Variants in FBXO46 observed in about 807,000 individuals in gnomAD.
The protein encoded by FBXO46 is F-box protein 46.
In FBXO46, 13 loss-of-function variants were observed where a neutral mutation model predicts 30.7. The ratio of observed to expected loss-of-function variants is 0.42; its 90% CI spans 0.28 to 0.67. The LOEUF is 0.67. FBXO46 is among the 30% of genes least tolerant of loss of function. The pLI, the probability that FBXO46 is intolerant of heterozygous loss-of-function variation, is 0.21. For missense variants in FBXO46, 754 were observed against 871.5 expected, an observed-to-expected ratio of 0.87 and a Z score of 1.70; for synonymous variants, 467 against 385.8, an observed-to-expected ratio of 1.21 and a Z score of -2.47.
chr19:45,711,469 A>G lies in FBXO46; in HGVS notation c.*215T>C. 1.5e-6 allele frequency: 1 copy of G among 688,306 alleles called. No individual in the cohort carries two copies. The highest frequency in any genetic ancestry group is 1.5e-5 in the South Asian group (1 of 65,260). The allele number at this position is 688,306 out of a possible 1,614,324, so 42.6% of individuals were successfully genotyped here. On this transcript the variant is annotated 3_prime_UTR_variant, in exon 2 of 2. Transcript: ENST00000317683. The stretch of plus-strand genomic sequence containing the variant: ...AAAAAAAAAAAAACACCCTTCTCAG[A>G]GGGTCCACGGCCCTGGTTCTGAAGA...
At chr19:45,717,392 C>T (rs1260947081) in intron 1 of FBXO46, 1 of 152,254 alleles carries the variant, frequency 6.6e-6, no homozygotes, top group East Asian at 1.9e-4. Context: ...AGCTTCCCTC[C>T]GCCCTTTTGT....
At chr19:45,732,681 C>T (rs1311464233), upstream of FBXO46, among the ~76,000 whole-genome samples, 2 of 148,374 alleles carry the variant, frequency 1.3e-5, no homozygotes, top group South Asian at 2.1e-4. Context: ...ACCTCCACCT[C>T]CCAGGTTCAA....
chr19:45,717,463 T>C (rs1481730993), intron 1 of FBXO46: 1 of 152,130 alleles, frequency 6.6e-6, no homozygotes. Flanking sequence ...GCCGTGCCCA[T>C]ATAAGGCAGG....
intron 1 of FBXO46, among the ~76,000 whole-genome samples, chr19:45,730,633 A>G (rs1384915807): frequency 6.6e-6 from 1 of 151,610 alleles, no homozygotes; most frequent in Non-Finnish European, 1.5e-5. Flanking sequence ...TTTACAATCA[A>G]TTCCAAAGCT....
chr19:45,723,488 T>C (rs1251971725), intron 1 of FBXO46: 3 of 152,222 alleles, frequency 2.0e-5, no homozygotes, highest in Non-Finnish European at 4.4e-5. Flanking sequence ...GTCACACAGC[T>C]GATGAGAGGT....
rs1219559677 is a variant in FBXO46 at position 45,711,716 on chromosome 19, C to A, written c.1780G>T (p.Gly594Trp). ...CCCTCCTCCCGGCCGGCCCGGCCCC[C>A]GCCTGGCCCATTGCAGGGCAGCACC... ...NWVLPCNGPG[G>W]GRAGREEGR is the part of the protein sequence containing the mutation. The change falls in exon 2 of 2, where the codon GGG (glycine) becomes TGG (tryptophan). Residue 594 changes from glycine to tryptophan, a missense_variant. Transcript: ENST00000317683. The A allele has an allele frequency of 3.3e-6, 5 of 1,537,516 alleles. No homozygotes were observed. The highest frequency in any genetic ancestry group is 4.4e-6 in the Non-Finnish European group (5 of 1,146,114).
intron 1 of FBXO46, among the ~76,000 whole-genome samples, chr19:45,720,123 C>CT (rs1025150679): frequency 1.3e-5 from 2 of 151,162 alleles, no homozygotes; most frequent in Non-Finnish European, 3.0e-5. Context: ...CAGCTGCCTT[C>CT]TTTTTTGTTT....
upstream of FBXO46, among the ~76,000 whole-genome samples, chr19:45,732,710 C>T (rs1968340891): frequency 6.6e-6 from 1 of 150,546 alleles, no homozygotes; most frequent in African/African-American, 2.5e-5. Context: ...CCTGCCTCAG[C>T]CTCTGGAGTA....
chr19:45,717,794 G>A lies in FBXO46; in HGVS notation c.-78-4221C>T, dbSNP rs986117092. On this transcript the variant is annotated intron_variant, in intron 1 of 1. Coordinates refer to ENST00000317683, the MANE Select transcript of FBXO46 (RefSeq NM_001080469.2). The stretch of plus-strand genomic sequence containing the variant: ...TGGGAACTGTGGGGGCGGGGGGCGG[G>A]CTGAGGATTTCCGCGGGGGGAATTG... Among the ~76,000 whole-genome samples the A allele has an allele frequency of 9.5e-5, 12 of 126,020 alleles. No homozygotes were observed. In the South Asian group the frequency reaches 2.6e-3, roughly 27 times the overall value. 82.7% of individuals were successfully genotyped at this position (126,020 alleles called of 152,430 possible). A position where few individuals can be genotyped will look rare whatever the true frequency, so the allele number is the denominator to read the frequency against.
chr19:45,711,629 C>CG lies in FBXO46; in HGVS notation c.*54dup, dbSNP rs901435271. 1.4e-4 allele frequency: 189 copies of CG among 1,388,606 alleles called. 1 individual carries two copies. In the Admixed American group the frequency reaches 3.2e-3, roughly 23 times the overall value. 86.0% of individuals were successfully genotyped at this position (1,388,606 alleles called of 1,614,324 possible). A position where few individuals can be genotyped will look rare whatever the true frequency, so the allele number is the denominator to read the frequency against. ...CGGCCCAGTCCGGACCCTCGGCTCCCGGGGGGAGAGGGGAGGGGTGGGCGT... is the reference window on the plus strand; with the variant it reads ...CGGCCCAGTCCGGACCCTCGGCTCCCGGGGGGGAGAGGGGAGGGGTGGGCGT... On this transcript the variant is annotated 3_prime_UTR_variant, in exon 2 of 2. Coordinates refer to ENST00000317683, the MANE Select transcript of FBXO46 (RefSeq NM_001080469.2).
chr19:45,723,341 T>TC (rs1440236221), intron 1 of FBXO46: 2 of 152,122 alleles, frequency 1.3e-5, no homozygotes, highest in African/African-American at 4.8e-5. Flanking sequence ...GCCACTGCAC[T>TC]CCAGCCTGGG....
At chr19:45,732,588 CTTTTTTTTTT>C (rs750349502), upstream of FBXO46, among the ~76,000 whole-genome samples, 12 of 86,942 alleles carry the variant, frequency 1.4e-4, no homozygotes, top group African/African-American at 5.9e-4. Flanking sequence ...CTTTTTTTTC[CTTTTTTTTTT>C]TTTTTTTTTT....
At chr19:45,732,682 C>T (rs1053857392), upstream of FBXO46, among the ~76,000 whole-genome samples, 7 of 148,876 alleles carry the variant, frequency 4.7e-5, no homozygotes, top group African/African-American at 7.5e-5. Context: ...CCTCCACCTC[C>T]CAGGTTCAAA....
chr19:45,723,970 C>A (rs1600365535), intron 1 of FBXO46, among the ~76,000 whole-genome samples: 1 of 152,176 alleles, frequency 6.6e-6, no homozygotes, highest in East Asian at 1.9e-4. Context: ...AGAAATACAT[C>A]ATTAAACGTG....
intron 1 of FBXO46, among the ~76,000 whole-genome samples, chr19:45,722,705 T>G (rs1968189178): frequency 6.7e-6 from 1 of 150,358 alleles, no homozygotes; most frequent in African/African-American, 2.5e-5. Context: ...GAGCTTGCAG[T>G]GAGCCGAGAT....
At position 45,710,897 on chromosome 19, in the gene FBXO46, A is replaced by G. The variant is rs954051441; in HGVS notation, c.*787T>C. Reference sequence around the variant, plus strand: ...AAACAACCCAGAAATGCAAATCCGAAGTCCCTGCCCACGGGGCCCCCCCAC... The same window carrying G: ...AAACAACCCAGAAATGCAAATCCGAGGTCCCTGCCCACGGGGCCCCCCCAC... On this transcript the variant is annotated 3_prime_UTR_variant, in exon 2 of 2. Transcript: ENST00000317683. 6.1e-6 allele frequency: 1 copy of G among 164,482 alleles called. No individual in the cohort carries two copies. Among genetic ancestry groups the G allele is most frequent in the Non-Finnish European group, 1.3e-5 (1 of 76,300 alleles). 10.2% of individuals were successfully genotyped at this position (164,482 alleles called of 1,614,324 possible).
chr19:45,719,278 AAAAT>A (rs368420568), intron 1 of FBXO46, among the ~76,000 whole-genome samples: 38 of 152,252 alleles, frequency 2.5e-4, no homozygotes, highest in Admixed American at 4.6e-4. Context: ...AAATAAATAA[AAAAT>A]AAATAAACTG....
intron 1 of FBXO46, among the ~76,000 whole-genome samples, chr19:45,722,245 A>C (rs1439076592): frequency 1.3e-5 from 2 of 152,168 alleles, no homozygotes; most frequent in African/African-American, 2.4e-5. Flanking sequence ...CTTTCTGACT[A>C]ATGGTCCCTG....
At chr19:45,732,588 C>CTTTTTTTTTTTTTTTTTTTTTTTTTT (rs750349502), upstream of FBXO46, among the ~76,000 whole-genome samples, 1 of 86,944 alleles carries the variant, frequency 1.2e-5, no homozygotes, top group Non-Finnish European at 2.0e-5. Flanking sequence ...CTTTTTTTTC[C>CTTTTTTTTTTTTTTTTTTTTTTTTTT]TTTTTTTTTT....
Sources: allele counts gnomAD v4.1 joint callset (sites outside exome capture counted in the v4.1 genomes callset), GRCh38; gene constraint gnomAD v4.1.1; transcripts MANE v1.5; gene names NCBI Gene and HGNC (gene_info 2026-07-23, HGNC 2026-07-21).